SHC3: variants seen among roughly 807,000 people sequenced by gnomAD.
SHC3 encodes SHC-transforming protein 3.
SHC3 carries 15 observed loss-of-function variants against 60.4 expected under a neutral mutation model. The ratio of observed to expected loss-of-function variants is 0.25; its 90% confidence interval spans 0.17 to 0.38. The LOEUF (loss-of-function observed/expected upper bound fraction) is 0.38, where lower values mean the gene tolerates loss of function less well. SHC3 is among the 10% of genes least tolerant of loss of function. The probability of loss-of-function intolerance (pLI) is 1.00; values close to 1 mark genes in which losing one functional copy is unlikely to be tolerated. For synonymous variants in SHC3, 294 were observed against 325.9 expected (o/e 0.90, Z 1.05); for missense variants, 677 against 786.1 (o/e 0.86, Z 1.66).
chr9:89,077,730 C>G lies in SHC3; in HGVS notation c.609+110G>C, dbSNP rs1040131048. 1.6e-5 allele frequency: 21 copies of G among 1,330,140 alleles called. No homozygotes were observed. In the African/African-American group the frequency reaches 2.6e-4, roughly 16 times the overall value. The allele number at this position is 1,330,140 out of a possible 1,614,324, so 82.4% of individuals were successfully genotyped here. On this transcript the variant is annotated intron_variant, in intron 3 of 11. Coordinates refer to ENST00000375835, the MANE Select transcript of SHC3 (RefSeq NM_016848.6). ...TTCTGCTTTTAGAAGTAGCAAGCGC[C>G]GGGCCACAGAAAGAGGACAATGAAT...
intron 6 of SHC3, among the ~76,000 whole-genome samples, chr9:89,063,331 T>C (rs1233997446): frequency 6.6e-6 from 1 of 152,222 alleles, no homozygotes; most frequent in South Asian, 2.1e-4. Context: ...GGTTTCACCA[T>C]GTCGGCCAGG....
intron 6 of SHC3, among the ~76,000 whole-genome samples, chr9:89,059,490 G>T (rs1825029905): frequency 6.7e-6 from 1 of 150,014 alleles, no homozygotes; most frequent in East Asian, 2.0e-4. Flanking sequence ...GGTAGCAGAG[G>T]ATGATAGTGT....
intron 5 of SHC3, among the ~76,000 whole-genome samples, chr9:89,065,964 T>A (rs1237985019): frequency 6.6e-6 from 1 of 152,200 alleles, no homozygotes; most frequent in African/African-American, 2.4e-5. Context: ...CACTGATACC[T>A]GCGTCCCAAC....
intron 6 of SHC3, among the ~76,000 whole-genome samples, chr9:89,053,318 G>T (rs1266295764): frequency 2.0e-5 from 3 of 152,182 alleles, no homozygotes; most frequent in Non-Finnish European, 4.4e-5. Context: ...ATGAGTTGTT[G>T]TTCCCCAGCC....
chr9:89,073,709 C>A (rs192199926), intron 4 of SHC3, among the ~76,000 whole-genome samples: 2 of 152,350 alleles, frequency 1.3e-5, no homozygotes, highest in Admixed American at 1.3e-4. Flanking sequence ...AGCCCAGTCT[C>A]ATCCCACTGC....
intron 11 of SHC3, among the ~76,000 whole-genome samples, chr9:89,025,393 C>T (rs1826276633): frequency 6.6e-6 from 1 of 152,176 alleles, no homozygotes; most frequent in African/African-American, 2.4e-5. Flanking sequence ...CAAGCCTCTC[C>T]TACATTTGAA....
intron 2 of SHC3, chr9:89,109,401 G>A (rs928037085): frequency 1.0e-4 from 98 of 981,560 alleles, no homozygotes; most frequent in Non-Finnish European, 1.1e-4. Context: ...TACATACATA[G>A]AGTTGGGACG....
At chr9:89,092,615 CAAAAAAAAAA>C (rs59133401) in intron 2 of SHC3, among the ~76,000 whole-genome samples, 1 of 67,852 alleles carries the variant, frequency 1.5e-5, no homozygotes, top group Admixed American at 1.5e-4. Flanking sequence ...GACTCTGTCT[CAAAAAAAAAA>C]AAAAAAAAAA....
intron 1 of SHC3, among the ~76,000 whole-genome samples, chr9:89,163,982 G>T (rs1367155901): frequency 6.6e-6 from 1 of 152,020 alleles, no homozygotes; most frequent in African/African-American, 2.4e-5. Context: ...ATTCATGAGA[G>T]CTCCACCCCT....
rs567834105 is a variant in SHC3 at position 89,063,799 on chromosome 9, C to T, written c.835+1730G>A. 2.0e-5 allele frequency among the ~76,000 whole-genome samples: 3 copies of T among 152,372 alleles called. No homozygotes were observed. In the South Asian group the frequency reaches 6.2e-4, roughly 32 times the overall value. The stretch of plus-strand genomic sequence containing the variant: ...TATAATAAAATGGTTGTTGTTAAGC[C>T]ACTAAGCTTGAAGTAGTTTGTTACA... On this transcript the variant is annotated intron_variant, in intron 6 of 11. Coordinates refer to ENST00000375835, the MANE Select transcript of SHC3 (RefSeq NM_016848.6).
At chr9:89,018,663 T>C (rs1392617668) in intron 11 of SHC3, among the ~76,000 whole-genome samples, 6 of 151,886 alleles carry the variant, frequency 4.0e-5, no homozygotes, top group African/African-American at 1.5e-4. Flanking sequence ...AAAAAACTCT[T>C]GATAAAGTAG....
chr9:89,150,923 T>C (rs1403135036), intron 1 of SHC3, among the ~76,000 whole-genome samples: 1 of 152,192 alleles, frequency 6.6e-6, no homozygotes, highest in Non-Finnish European at 1.5e-5. Context: ...CTAAAGGGTA[T>C]AAAGTGGCAT....
At chr9:89,128,368 A>G (rs1175936328) in intron 1 of SHC3, among the ~76,000 whole-genome samples, 1 of 152,170 alleles carries the variant, frequency 6.6e-6, no homozygotes, top group Non-Finnish European at 1.5e-5. Flanking sequence ...TGCAGACCTA[A>G]ACGTCCCTGT....
chr9:89,065,498 C>A (rs922892498), intron 6 of SHC3, 31 bp downstream of exon 6: 3 of 1,612,732 alleles, frequency 1.9e-6, no homozygotes, highest in Non-Finnish European at 2.5e-6. Context: ...TGTACACAAA[C>A]AAGAGATTAA....
chr9:89,024,124 TC>T (rs1826249910), intron 11 of SHC3, among the ~76,000 whole-genome samples: 1 of 152,018 alleles, frequency 6.6e-6, no homozygotes, highest in Non-Finnish European at 1.5e-5. Context: ...CTCAGCCCCC[TC>T]TCATGGTCCA....
At chr9:89,025,981 C>T (rs112759197) in intron 11 of SHC3, among the ~76,000 whole-genome samples, 4,032 of 152,192 alleles carry the variant, frequency 0.026, 62 homozygotes, top group South Asian at 0.047. Flanking sequence ...CAGTGGCTCA[C>T]GCCTGTAATC....
At chr9:89,136,931 C>A (rs1236433138) in intron 1 of SHC3, among the ~76,000 whole-genome samples, 1 of 152,050 alleles carries the variant, frequency 6.6e-6, no homozygotes, top group Non-Finnish European at 1.5e-5. Context: ...ACGGGTTGTA[C>A]AGGAAGCATA....
chr9:89,114,436 A>G (rs555795921), intron 1 of SHC3, among the ~76,000 whole-genome samples: 1 of 147,164 alleles, frequency 6.8e-6, no homozygotes, highest in Non-Finnish European at 1.5e-5. Context: ...TTGAAAATAG[A>G]AAAAAAAACA....
chr9:89,156,233 G>A (rs4876971), intron 1 of SHC3, among the ~76,000 whole-genome samples: 36,371 of 152,032 alleles, frequency 0.24, 4,670 homozygotes, highest in African/African-American at 0.32. Flanking sequence ...CGGGCCATGT[G>A]GAAAGGAACT....
Sources: allele counts gnomAD v4.1 joint callset (sites outside exome capture counted in the v4.1 genomes callset), GRCh38; gene constraint gnomAD v4.1.1; transcripts MANE v1.5; gene names NCBI Gene and HGNC (gene_info 2026-07-23, HGNC 2026-07-21).